The following CERS3 variants were observed in gnomAD, a reference collection of about 807,000 sequenced individuals.
The protein encoded by CERS3 is ceramide synthase 3.
A neutral mutation model predicts 50.3 loss-of-function variants in CERS3; 33 were observed. The observed-to-expected ratio is 0.66, with a 90% CI of 0.50 to 0.88. The LOEUF is 0.88. Ranked by LOEUF, CERS3 falls within the 40% of genes least tolerant of loss-of-function variation. CERS3 has a pLI of 0.00. For synonymous variants in CERS3, 176 were observed against 155.2 expected (o/e 1.13, Z -0.99); for missense variants, 470 against 460.3 (o/e 1.02, Z -0.19).
intron 11 of CERS3, among the ~76,000 whole-genome samples, chr15:100,454,024 T>A (rs1243888725): frequency 6.6e-6 from 1 of 152,078 alleles, no homozygotes; most frequent in Non-Finnish European, 1.5e-5. Flanking sequence ...TGCTCATGGA[T>A]TAGAAAAGTT....
intron 3 of CERS3, among the ~76,000 whole-genome samples, chr15:100,491,556 T>C (rs1052935231): frequency 1.3e-5 from 2 of 152,194 alleles, no homozygotes; most frequent in African/African-American, 2.4e-5. Flanking sequence ...TAGTGGTTTT[T>C]GTTGATTTTC....
intron 10 of CERS3, among the ~76,000 whole-genome samples, chr15:100,467,811 C>G (rs55995345): frequency 1.6e-5 from 2 of 125,290 alleles, no homozygotes; most frequent in African/African-American, 3.0e-5. Context: ...ATATATACGT[C>G]TATATATATG....
intron 11 of CERS3, among the ~76,000 whole-genome samples, chr15:100,441,758 G>A (rs1411847749): frequency 1.3e-5 from 2 of 151,866 alleles, no homozygotes; most frequent in African/African-American, 4.8e-5. Flanking sequence ...ATAGGCAAAC[G>A]GTCTGAGGTG....
rs780521205 is a variant in CERS3, at chr15:100,480,001, C to A, written c.453G>T (p.Ala151=). The A allele has an allele frequency of 1.9e-6, 3 of 1,607,584 alleles. No individual in the cohort carries two copies. Among genetic ancestry groups the A allele is most frequent in the Non-Finnish European group, 2.5e-6 (3 of 1,177,572 alleles). ...AAAGATAACTTACATCATAAAGAAACGCAATTCCAGCAACAGTGATCATTA... is the reference window on the plus strand; with the variant it reads ...AAAGATAACTTACATCATAAAGAAAAGCAATTCCAGCAACAGTGATCATTA... ...FYLMITVAGI[A]FLYDKPWLYD... is the part of the protein sequence containing the mutation. Residue 151 remains alanine (A), a synonymous_variant, in exon 6 of 12, where the codon GCG becomes GCT. Transcript: ENST00000679737.
intron 10 of CERS3, among the ~76,000 whole-genome samples, chr15:100,467,075 C>T (rs914969387): frequency 1.1e-4 from 17 of 151,926 alleles, no homozygotes; most frequent in Middle Eastern, 3.4e-3. Context: ...AGGTTGGTCT[C>T]GAACTCCTGA....
intron 11 of CERS3, among the ~76,000 whole-genome samples, chr15:100,444,138 A>G (rs959655909): frequency 1.1e-4 from 16 of 152,290 alleles, no homozygotes; most frequent in East Asian, 1.9e-4. Flanking sequence ...GCTGGCCATC[A>G]TGTCTCCGTG....
chr15:100,426,385 T>A (rs543990931), intron 11 of CERS3, among the ~76,000 whole-genome samples: 4 of 151,922 alleles, frequency 2.6e-5, no homozygotes, highest in African/African-American at 9.7e-5. Flanking sequence ...ATCACTTACA[T>A]AAAGTTTTAA....
At chr15:100,403,014 G>A in intron 11 of CERS3, 149 bp from the exon 12 acceptor site, 2 of 754,292 alleles carry the variant, frequency 2.7e-6, no homozygotes, top group Non-Finnish European at 2.1e-6. Flanking sequence ...ACTATATCAT[G>A]GATCATAAAG....
At chr15:100,468,699 C>T (rs568343982) in intron 10 of CERS3, among the ~76,000 whole-genome samples, 1 of 152,292 alleles carries the variant, frequency 6.6e-6, no homozygotes, top group African/African-American at 2.4e-5. Flanking sequence ...ACTCTGGTTT[C>T]TGTCAATCAA....
In CERS3 at chr15:100,467,844, T is replaced by C. The variant is rs2034820087; in HGVS notation, c.845+1534A>G. 8.9e-5 allele frequency among the ~76,000 whole-genome samples: 7 copies of C among 78,582 alleles called. 1 individual carries two copies. In the South Asian group the frequency reaches 1.9e-3, roughly 21 times the overall value. The allele number at this position is 78,582 out of a possible 152,430, so 51.6% of individuals were successfully genotyped here. On this transcript the variant is annotated intron_variant, in intron 10 of 11. Coordinates refer to ENST00000679737, the MANE Select transcript of CERS3 (RefSeq NM_001378789.1). ...ATGTGTATATATATACGTGTATATA[T>C]ATATATATAGATAGATAGATAGATA... is the stretch of plus-strand genomic sequence containing the variant.
At chr15:100,433,898 C>A (rs538696639) in intron 11 of CERS3, among the ~76,000 whole-genome samples, 24 of 152,378 alleles carry the variant, frequency 1.6e-4, no homozygotes, top group African/African-American at 4.8e-4. Flanking sequence ...TACCCTGGGG[C>A]CCTCTTGAGG....
chr15:100,499,583 A>C (rs779686629), intron 3 of CERS3, among the ~76,000 whole-genome samples: 6 of 152,228 alleles, frequency 3.9e-5, no homozygotes, highest in Non-Finnish European at 8.8e-5. Flanking sequence ...TGAACCAGCC[A>C]AATCACAACT....
chr15:100,417,732 C>A (rs1349714639), intron 11 of CERS3, among the ~76,000 whole-genome samples: 3 of 152,036 alleles, frequency 2.0e-5, no homozygotes, highest in African/African-American at 7.3e-5. Context: ...AGCTGGAGAT[C>A]TGAGAACGGG....
At chr15:100,499,289 C>T (rs1166677270) in intron 3 of CERS3, among the ~76,000 whole-genome samples, 1 of 152,058 alleles carries the variant, frequency 6.6e-6, no homozygotes, top group Non-Finnish European at 1.5e-5. Flanking sequence ...ACTTCAGACA[C>T]ATAAAAGAAT....
At chr15:100,455,792 T>G (rs1050712957) in intron 11 of CERS3, 101 bp downstream of exon 11, 2 of 798,942 alleles carry the variant, frequency 2.5e-6, no homozygotes, top group Admixed American at 6.4e-5. Context: ...GAAAAAAGAA[T>G]TCTGGTTAAA....
chr15:100,412,531 T>C (rs1011349570), intron 11 of CERS3, among the ~76,000 whole-genome samples: 10 of 152,184 alleles, frequency 6.6e-5, no homozygotes, highest in African/African-American at 4.8e-5. Context: ...AGGGGTGCCC[T>C]AAAGTCTTTT....
chr15:100,490,747 G>A, intron 4 of CERS3, 70 bp downstream of exon 4: 1 of 900,338 alleles, frequency 1.1e-6, no homozygotes, highest in African/African-American at 1.7e-5. Context: ...CACACACAAG[G>A]TAAGCTATAG....
At chr15:100,465,764 T>G (rs185925004) in intron 10 of CERS3, among the ~76,000 whole-genome samples, 160 of 152,124 alleles carry the variant, frequency 1.1e-3, no homozygotes, top group Admixed American at 3.1e-3. Flanking sequence ...TTTCAGGTGA[T>G]TCTCCTGTCT....
In CERS3 at chr15:100,491,351, C is replaced by T. The variant is rs574658896; in HGVS notation, c.174-420G>A. Reference sequence around the variant, plus strand: ...TAACATACGAAAAAATGGCACAACTCTAGGGCAAATACGTAATAATAGGAT... The same window carrying T: ...TAACATACGAAAAAATGGCACAACTTTAGGGCAAATACGTAATAATAGGAT... On this transcript the variant is annotated intron_variant, in intron 3 of 11. Coordinates refer to ENST00000679737, the MANE Select transcript of CERS3 (RefSeq NM_001378789.1). Among the ~76,000 whole-genome samples the T allele has an allele frequency of 3.9e-5, 6 of 152,188 alleles. No individual in the cohort carries two copies. In the South Asian group the frequency reaches 1.2e-3, roughly 32 times the overall value.
Sources: allele counts gnomAD v4.1 joint callset (sites outside exome capture counted in the v4.1 genomes callset), GRCh38; gene constraint gnomAD v4.1.1; transcripts MANE v1.5; gene names NCBI Gene and HGNC (gene_info 2026-07-23, HGNC 2026-07-21).